Variants in BEND4 observed in about 807,000 individuals in gnomAD.
BEND4 encodes the protein BEN domain containing 4.
In BEND4, 27 loss-of-function variants were observed where a neutral mutation model predicts 54.7. The observed-to-expected ratio is 0.49, with a 90% CI of 0.36 to 0.68. The LOEUF (loss-of-function observed/expected upper bound fraction) is 0.68, where lower values mean the gene tolerates loss of function less well. Ranked by LOEUF, BEND4 falls within the 30% of genes least tolerant of loss-of-function variation. BEND4 has a pLI of 0.00. For synonymous variants in BEND4, 327 were observed against 299.5 expected (o/e 1.09, Z -0.95); for missense variants, 702 against 697.2 (o/e 1.01, Z -0.08).
intron 5 of BEND4, 145 bp downstream of exon 5, chr4:42,119,908 CT>C (rs1235267585): frequency 1.0e-6 from 1 of 993,562 alleles, no homozygotes; most frequent in Non-Finnish European, 1.5e-6. Context: ...CTTCTCAAGA[CT>C]GAGTAGATGG....
chr4:42,128,155 G>A (rs751072975), intron 3 of BEND4, among the ~76,000 whole-genome samples: 2 of 151,994 alleles, frequency 1.3e-5, no homozygotes, highest in African/African-American at 2.4e-5. Context: ...AGCAACACTC[G>A]CTCTCTAAAA....
At chr4:42,138,863 A>G (rs1470333244) in intron 3 of BEND4, among the ~76,000 whole-genome samples, 4 of 152,218 alleles carry the variant, frequency 2.6e-5, no homozygotes, top group South Asian at 4.1e-4. Context: ...TTTCACATTT[A>G]GTATCTATGG....
At chr4:42,120,785 C>T (rs553488419) in intron 4 of BEND4, among the ~76,000 whole-genome samples, 51 of 151,886 alleles carry the variant, frequency 3.4e-4, no homozygotes, top group Non-Finnish European at 5.2e-4. Context: ...TGCATTACAA[C>T]AGAAACATTA....
In BEND4 at chr4:42,152,276, GGCCGCCGCC is replaced by G; in HGVS notation, c.-142_-134del. ...GTGGGAGGGTGTGTGTCTGTGCCGT[GGCCGCCGCC>G]GCCGCCGCCTGTCGCTGAGGCTGGC... On this transcript the variant is annotated 5_prime_UTR_variant, in exon 2 of 6. Transcript: ENST00000502486. 2.2e-6 allele frequency: 2 copies of G among 924,972 alleles called. No individual in the cohort carries two copies. The highest frequency in any genetic ancestry group is 2.8e-6 in the Non-Finnish European group (2 of 714,790). 57.3% of individuals were successfully genotyped at this position (924,972 alleles called of 1,614,324 possible).
At chr4:42,123,750 A>C (rs1284773415) in intron 4 of BEND4, among the ~76,000 whole-genome samples, 1 of 151,802 alleles carries the variant, frequency 6.6e-6, no homozygotes, top group Admixed American at 6.6e-5. Flanking sequence ...GAGAAGAAAG[A>C]AGCTGCTGCA....
chr4:42,120,986 A>T (rs1720036755), intron 4 of BEND4, among the ~76,000 whole-genome samples: 1 of 152,206 alleles, frequency 6.6e-6, no homozygotes, highest in South Asian at 2.1e-4. Flanking sequence ...CAGTGGGACT[A>T]ATTACGGGAA....
chr4:42,128,341 G>C (rs1173062981), intron 3 of BEND4, among the ~76,000 whole-genome samples: 1 of 152,066 alleles, frequency 6.6e-6, no homozygotes, highest in Non-Finnish European at 1.5e-5. Context: ...TGAAAGTTCT[G>C]GGCCAGGCAC....
At chr4:42,139,838 C>G (rs1720825119) in intron 3 of BEND4, among the ~76,000 whole-genome samples, 1 of 152,182 alleles carries the variant, frequency 6.6e-6, no homozygotes, top group Admixed American at 6.5e-5. Flanking sequence ...AATGTACTAG[C>G]CTCTAGAACG....
At chr4:42,118,729 CACAG>C (rs1270898127) in intron 5 of BEND4, among the ~76,000 whole-genome samples, 1 of 152,224 alleles carries the variant, frequency 6.6e-6, no homozygotes, top group Non-Finnish European at 1.5e-5. Context: ...CTTGAGTACA[CACAG>C]ACAGGGCACT....
intron 3 of BEND4, among the ~76,000 whole-genome samples, chr4:42,137,529 T>C (rs1044688311): frequency 6.6e-6 from 1 of 152,136 alleles, no homozygotes; most frequent in African/African-American, 2.4e-5. Context: ...TGTAACAAAT[T>C]TGTACTGTTC....
At chr4:42,149,737 A>C (rs1264765045) in intron 2 of BEND4, among the ~76,000 whole-genome samples, 2 of 152,094 alleles carry the variant, frequency 1.3e-5, no homozygotes, top group East Asian at 1.9e-4. Flanking sequence ...GAAAAAAAAA[A>C]CCCACATGAA....
At chr4:42,138,723 A>G (rs1720783084) in intron 3 of BEND4, among the ~76,000 whole-genome samples, 3 of 152,342 alleles carry the variant, frequency 2.0e-5, no homozygotes, top group East Asian at 1.9e-4. Flanking sequence ...TAAAATATCA[A>G]CAATAAACAG....
intron 2 of BEND4, 125 bp downstream of exon 2, chr4:42,151,532 G>T: frequency 9.7e-7 from 1 of 1,028,666 alleles, no homozygotes; most frequent in Non-Finnish European, 1.3e-6. Flanking sequence ...GGCCCCAGGT[G>T]CGCCCCGACA....
At chr4:42,123,825 G>C (rs537328274) in intron 4 of BEND4, among the ~76,000 whole-genome samples, 1 of 151,952 alleles carries the variant, frequency 6.6e-6, no homozygotes, top group East Asian at 1.9e-4. Context: ...AGAATTCTTA[G>C]ACGTAGGAAG....
intron 3 of BEND4, among the ~76,000 whole-genome samples, chr4:42,133,013 T>C (rs941067974): frequency 2.0e-5 from 3 of 152,226 alleles, no homozygotes; most frequent in African/African-American, 7.2e-5. Context: ...TCAAAATGCA[T>C]CTTGTATAAT....
At chr4:42,135,066 G>T (rs1720650514) in intron 3 of BEND4, among the ~76,000 whole-genome samples, 1 of 152,186 alleles carries the variant, frequency 6.6e-6, no homozygotes, top group Non-Finnish European at 1.5e-5. Context: ...CTGTTTGGGG[G>T]AGAGACCAGA....
chr4:42,130,655 C>A (rs1013467027), intron 3 of BEND4, among the ~76,000 whole-genome samples: 1 of 152,106 alleles, frequency 6.6e-6, no homozygotes. Flanking sequence ...GACAATCTGG[C>A]AACTCCTCAA....
In BEND4 at chr4:42,152,007, A is replaced by G. The variant is rs1366800084; in HGVS notation, c.137T>C (p.Leu46Pro). 8 of 1,252,900 alleles carry G rather than the reference A, an allele frequency of 6.4e-6. No homozygotes were observed. 77.6% of individuals were successfully genotyped at this position (1,252,900 alleles called of 1,614,324 possible). A position where few individuals can be genotyped will look rare whatever the true frequency, so the allele number is the denominator to read the frequency against. ...ALAKRYERPT[L>P]VELPHVRAPP... ...CGCCCGCACGTGCGGCAGCTCCACCAGGGTGGGTCGCTCGTAGCGCTTGGC... is the reference window on the plus strand; with the variant it reads ...CGCCCGCACGTGCGGCAGCTCCACCGGGGTGGGTCGCTCGTAGCGCTTGGC... The change falls in exon 2 of 6, where the codon CTG becomes CCG. Residue 46 changes from leucine to proline, a missense_variant. Leu to Pro is a moderately conservative substitution (Grantham distance 98). Coordinates refer to ENST00000502486, the MANE Select transcript of BEND4 (RefSeq NM_207406.4).
chr4:42,114,358 C>T lies in BEND4; in HGVS notation c.*3160G>A, dbSNP rs1050322733. 2.0e-5 allele frequency: 3 copies of T among 152,140 alleles called. No individual in the cohort carries two copies. Among genetic ancestry groups the T allele is most frequent in the Admixed American group, 2.0e-4 (3 of 15,276 alleles). 9.4% of individuals were successfully genotyped at this position (152,140 alleles called of 1,614,324 possible). A position where few individuals can be genotyped will look rare whatever the true frequency, so the allele number is the denominator to read the frequency against. On this transcript the variant is annotated 3_prime_UTR_variant, in exon 6 of 6. Coordinates refer to ENST00000502486, the MANE Select transcript of BEND4 (RefSeq NM_207406.4). ...CAGTTGTCACTTTTTGTAGGTATGG[C>T]TCTTCTGCTTATGGACCACACCTAG...
Sources: gnomAD v4.1 joint callset for allele counts (sites outside exome capture counted in the v4.1 genomes callset) on GRCh38, gnomAD v4.1.1 for gene constraint, MANE v1.5 for transcripts, NCBI Gene and HGNC (gene_info 2026-07-23, HGNC 2026-07-21) for gene names.